CLIC5: variants seen among roughly 807,000 people sequenced by gnomAD.
CLIC5 encodes CLIC family member 5.
A neutral mutation model predicts 24.7 loss-of-function variants in CLIC5; 20 were observed. The ratio of observed to expected loss-of-function variants is 0.81; its 90% CI spans 0.57 to 1.18. The LOEUF (loss-of-function observed/expected upper bound fraction) is 1.18. CLIC5 is among the 50% of genes most tolerant of loss of function. The pLI, the probability that CLIC5 is intolerant of heterozygous loss-of-function variation, is 0.00. For synonymous variants in CLIC5, 159 were observed against 135.6 expected (o/e 1.17, Z -1.20); for missense variants, 341 against 326.1 (o/e 1.05, Z -0.35).
In CLIC5 at chr6:45,970,724, T is replaced by C. The variant is rs1765173192; in HGVS notation, c.64-15480A>G. ...AGACAGATTGCCCACCCTGCTTTTC[T>C]GCCTGACTGGTGGAAGTCAGACAAC... On this transcript the variant is annotated intron_variant, in intron 1 of 5. Transcript: ENST00000339561. Among the ~76,000 whole-genome samples the C allele has an allele frequency of 2.6e-5, 4 of 152,210 alleles. No individual in the cohort carries two copies. The South Asian group carries it at 8.3e-4, about 31-fold the overall frequency.
intron 1 of CLIC5, among the ~76,000 whole-genome samples, chr6:46,061,261 C>T: frequency 6.6e-6 from 1 of 152,182 alleles, no homozygotes; most frequent in African/African-American, 2.4e-5. Context: ...GCAATCATAG[C>T]TGACTGCAAC....
intron 5 of CLIC5, chr6:45,911,711 T>C (rs1762826241): frequency 1.0e-6 from 1 of 985,260 alleles, no homozygotes; most frequent in Non-Finnish European, 1.2e-6. Context: ...AAATATATAC[T>C]TCTATTGATG....
intron 1 of CLIC5, among the ~76,000 whole-genome samples, chr6:46,078,520 A>ACACTCCACC: frequency 6.6e-6 from 1 of 152,150 alleles, no homozygotes; most frequent in East Asian, 1.9e-4. Context: ...GAACACCCAC[A>ACACTCCACC]CACTCCACCC....
At chr6:46,119,913 G>A in the CLIC5 span, among the ~76,000 whole-genome samples, 2 of 152,222 alleles carry the variant, frequency 1.3e-5, no homozygotes, top group East Asian at 1.9e-4. Context: ...TGAGGCTTGA[G>A]TAGGTAAACA....
At chr6:46,038,250 G>A (rs923499239) in intron 1 of CLIC5, among the ~76,000 whole-genome samples, 4 of 152,294 alleles carry the variant, frequency 2.6e-5, no homozygotes, top group African/African-American at 4.8e-5. Context: ...AGACTGCATG[G>A]CTGAATAATA....
chr6:46,006,632 C>T (rs796664158), intron 1 of CLIC5, among the ~76,000 whole-genome samples: 2 of 151,896 alleles, frequency 1.3e-5, no homozygotes, highest in African/African-American at 4.8e-5. Context: ...CCTTGGCTAA[C>T]TCCTCACGTG....
intron 6 of CLIC5, among the ~76,000 whole-genome samples, chr6:45,893,324 G>A (rs1762368885): frequency 6.6e-6 from 1 of 151,502 alleles, no homozygotes; most frequent in Non-Finnish European, 1.5e-5. Context: ...GGTGCAAGAA[G>A]AAAGACTGAA....
At chr6:45,927,012 G>A (rs902221351) in intron 4 of CLIC5, among the ~76,000 whole-genome samples, 3 of 152,178 alleles carry the variant, frequency 2.0e-5, no homozygotes, top group African/African-American at 7.2e-5. Context: ...GCATAGGGGA[G>A]TCTGCAACAT....
intron 1 of CLIC5, among the ~76,000 whole-genome samples, chr6:46,006,091 T>G: frequency 1.7e-5 from 1 of 59,818 alleles, no homozygotes; most frequent in Non-Finnish European, 2.9e-5. Context: ...CATGTATAAA[T>G]ACATATATAT....
chr6:45,928,923 C>T (rs1763616416), intron 4 of CLIC5, among the ~76,000 whole-genome samples: 1 of 152,132 alleles, frequency 6.6e-6, no homozygotes, highest in South Asian at 2.1e-4. Context: ...ATGTGCAAAT[C>T]AGTTATTTAA....
At chr6:46,048,313 T>C (rs965653895) in intron 1 of CLIC5, among the ~76,000 whole-genome samples, 3 of 152,176 alleles carry the variant, frequency 2.0e-5, no homozygotes, top group Admixed American at 2.0e-4. Flanking sequence ...CCATATTATA[T>C]TTTGTAGTTG....
At chr6:46,129,625 A>C in the CLIC5 span, 1 of 152,242 alleles carries the variant, frequency 6.6e-6, no homozygotes, top group Non-Finnish European at 1.5e-5. Context: ...CTTGTGCCGG[A>C]CCTTGGTGCA....
At chr6:45,935,429 C>T (rs183071395) in intron 4 of CLIC5, among the ~76,000 whole-genome samples, 1 of 152,194 alleles carries the variant, frequency 6.6e-6, no homozygotes, top group African/African-American at 2.4e-5. Context: ...GGAGGACAGA[C>T]CTAACTGCTT....
At chr6:45,992,863 T>C (rs1254906387) in intron 1 of CLIC5, among the ~76,000 whole-genome samples, 1 of 152,192 alleles carries the variant, frequency 6.6e-6, no homozygotes, top group African/African-American at 2.4e-5. Context: ...ATTTTATTAC[T>C]TTTGGGGTGA....
intron 1 of CLIC5, among the ~76,000 whole-genome samples, chr6:46,049,604 A>G (rs1338460): frequency 0.69 from 105,069 of 151,580 alleles, 36,687 homozygotes; most frequent in African/African-American, 0.77. Flanking sequence ...TTTCAATATA[A>G]CCTTCAGATC....
At chr6:45,983,377 G>A (rs927277432) in intron 1 of CLIC5, among the ~76,000 whole-genome samples, 7 of 152,238 alleles carry the variant, frequency 4.6e-5, no homozygotes, top group African/African-American at 1.7e-4. Flanking sequence ...TACCTAGTGG[G>A]AGTTGGGTTT....
intron 1 of CLIC5, among the ~76,000 whole-genome samples, chr6:46,000,709 C>T (rs767411435): frequency 6.6e-6 from 1 of 152,150 alleles, no homozygotes; most frequent in Non-Finnish European, 1.5e-5. Context: ...AAATGCCAGA[C>T]ACTTATGAAA....
intron 5 of CLIC5, chr6:45,912,723 T>G: frequency 1.8e-5 from 28 of 1,534,982 alleles, no homozygotes; most frequent in Non-Finnish European, 2.4e-5. Context: ...TATCATCCCT[T>G]TCAGTGGTAC....
chr6:46,041,327 A>G (rs1012880325), intron 1 of CLIC5, among the ~76,000 whole-genome samples: 3 of 152,230 alleles, frequency 2.0e-5, no homozygotes, highest in Non-Finnish European at 4.4e-5. Flanking sequence ...AACCAACACC[A>G]TTACTATCAT....
Sources: allele counts gnomAD v4.1 joint callset (sites outside exome capture counted in the v4.1 genomes callset), GRCh38; gene constraint gnomAD v4.1.1; transcripts MANE v1.5; gene names NCBI Gene and HGNC (gene_info 2026-07-23, HGNC 2026-07-21).